ARHGAP32: variants seen among roughly 807,000 people sequenced by gnomAD.
ARHGAP32 encodes Rho GTPase activating protein 32.
Under a neutral mutation model 186.5 loss-of-function variants are expected in ARHGAP32, and 51 were observed. That is an observed-to-expected ratio of 0.27 (90% CI 0.22 to 0.35). The LOEUF is 0.35. Among genes scored for constraint, ARHGAP32 ranks in the 10% least tolerant of loss-of-function variants. The pLI is 1.00. For synonymous variants in ARHGAP32, 950 were observed against 964.3 expected (o/e 0.99, Z 0.27); for missense variants, 2,186 against 2,623.5 (o/e 0.83, Z 3.64).
chr11:129,043,064 T>C (rs948939379), intron 10 of ARHGAP32, among the ~76,000 whole-genome samples: 7 of 152,080 alleles, frequency 4.6e-5, no homozygotes, highest in Non-Finnish European at 1.0e-4. Context: ...ATTTCAAGAG[T>C]GACTCTGAAA....
At chr11:129,088,633 C>T (rs1334578512) in intron 6 of ARHGAP32, among the ~76,000 whole-genome samples, 5 of 152,110 alleles carry the variant, frequency 3.3e-5, no homozygotes, top group Admixed American at 2.6e-4. Context: ...TCCAAACAGA[C>T]TGAATAAACA....
chr11:129,261,037 TGAGCCACCACA>T (rs1458638728), intron 1 of ARHGAP32, among the ~76,000 whole-genome samples: 1 of 151,742 alleles, frequency 6.6e-6, no homozygotes, highest in African/African-American at 2.4e-5. Context: ...TAAAATATCC[TGAGCCACCACA>T]GGGTGCTAAA....
At chr11:129,108,895 G>C (rs1274547384) in intron 5 of ARHGAP32, among the ~76,000 whole-genome samples, 1 of 152,118 alleles carries the variant, frequency 6.6e-6, no homozygotes, top group Non-Finnish European at 1.5e-5. Context: ...ATCACGTTAA[G>C]TATTTACCAT....
intron 1 of ARHGAP32, among the ~76,000 whole-genome samples, chr11:129,221,820 A>AT (rs1421439220): frequency 6.6e-6 from 1 of 151,802 alleles, no homozygotes; most frequent in Non-Finnish European, 1.5e-5. Context: ...TCTAAAAAAA[A>AT]TTTTTTTAAA....
intron 1 of ARHGAP32, among the ~76,000 whole-genome samples, chr11:129,235,729 A>C (rs1439780724): frequency 6.6e-6 from 1 of 152,094 alleles, no homozygotes; most frequent in African/African-American, 2.4e-5. Context: ...GAGTCCTGAA[A>C]GTCCCTCAAA....
chr11:129,110,440 T>C (rs955443002), intron 5 of ARHGAP32, among the ~76,000 whole-genome samples: 3 of 152,200 alleles, frequency 2.0e-5, no homozygotes, highest in Non-Finnish European at 1.5e-5. Flanking sequence ...TTTGGTTCCA[T>C]ATAAATGTTA....
Position 129,233,134 on chromosome 11 carries a change from TA to T in ARHGAP32, c.-5+46011del, listed in dbSNP as rs928280021. Among the ~76,000 whole-genome samples, 123 of 151,852 alleles carry T rather than the reference TA, an allele frequency of 8.1e-4. 1 individual carries two copies. Among genetic ancestry groups the T allele is most frequent in the African/African-American group, 2.8e-3 (115 of 41,408 alleles). On this transcript the variant is annotated intron_variant, in intron 1 of 6. Coordinates refer to the ARHGAP32 transcript ENST00000525234. ...ATACTCCAATGAAAACAAGTAATGCTAAAAAAAATGTAACCATTACTTTAAA... is the reference window on the plus strand; with the variant it reads ...ATACTCCAATGAAAACAAGTAATGCTAAAAAAATGTAACCATTACTTTAAA...
intron 1 of ARHGAP32, among the ~76,000 whole-genome samples, chr11:129,248,258 C>A (rs1284619735): frequency 6.6e-6 from 1 of 151,806 alleles, no homozygotes; most frequent in Non-Finnish European, 1.5e-5. Flanking sequence ...CTGATCCAGC[C>A]TATCTGACCA....
At chr11:128,985,336 AAT>A (rs1945832746) in intron 15 of ARHGAP32, among the ~76,000 whole-genome samples, 1 of 152,024 alleles carries the variant, frequency 6.6e-6, no homozygotes, top group Non-Finnish European at 1.5e-5. Flanking sequence ...TGATTTTTGA[AAT>A]ATATACATAA....
At chr11:129,202,873 G>C (rs1944470941) in intron 1 of ARHGAP32, 1 of 152,032 alleles carries the variant, frequency 6.6e-6, no homozygotes, top group Non-Finnish European at 1.5e-5. Context: ...AGAGCTCAAA[G>C]TGCTCTTGTG....
chr11:129,209,346 G>A (rs924736541), intron 1 of ARHGAP32, among the ~76,000 whole-genome samples: 1 of 151,802 alleles, frequency 6.6e-6, no homozygotes, highest in African/African-American at 2.4e-5. Flanking sequence ...GGGCTGGATG[G>A]CACGGAGTCT....
chr11:129,193,633 A>AATATATAATATATGTTATATAATAT, upstream of ARHGAP32, among the ~76,000 whole-genome samples: 1 of 63,330 alleles, frequency 1.6e-5, no homozygotes, highest in South Asian at 3.6e-4. Context: ...TAATATATAT[A>AATATATAATATATGTTATATAATAT]ATATATGTTA....
chr11:129,041,190 G>C (rs1043542747), intron 10 of ARHGAP32, among the ~76,000 whole-genome samples, 181 bp from the exon 11 acceptor site: 3 of 152,164 alleles, frequency 2.0e-5, no homozygotes, highest in Non-Finnish European at 4.4e-5. Flanking sequence ...CTGTTGCTAT[G>C]AGTACATAAA....
At chr11:129,246,885 T>A (rs532167985) in intron 1 of ARHGAP32, among the ~76,000 whole-genome samples, 1 of 152,314 alleles carries the variant, frequency 6.6e-6, no homozygotes, top group East Asian at 1.9e-4. Context: ...GCTGTTAAAA[T>A]AGGTCTTTTA....
At chr11:129,091,976 C>A (rs1316656997) in intron 6 of ARHGAP32, among the ~76,000 whole-genome samples, 1 of 151,858 alleles carries the variant, frequency 6.6e-6, no homozygotes, top group Non-Finnish European at 1.5e-5. Context: ...TGATTACATA[C>A]AATGAGGCAA....
intron 12 of ARHGAP32, among the ~76,000 whole-genome samples, chr11:128,988,539 G>C (rs1945946236): frequency 1.3e-5 from 2 of 152,270 alleles, no homozygotes; most frequent in East Asian, 3.9e-4. Flanking sequence ...AATATATAAA[G>C]TTAAATGCTT....
At chr11:129,177,687 C>T (rs1195162231) in intron 1 of ARHGAP32, among the ~76,000 whole-genome samples, 2 of 152,074 alleles carry the variant, frequency 1.3e-5, no homozygotes, top group South Asian at 2.1e-4. Context: ...AGACAAAAAC[C>T]ACATGATTAT....
chr11:129,124,215 G>C (rs1195700437), intron 3 of ARHGAP32, among the ~76,000 whole-genome samples: 1 of 152,082 alleles, frequency 6.6e-6, no homozygotes, highest in Non-Finnish European at 1.5e-5. Context: ...TTTATACAGA[G>C]CCTGAAGGTA....
intron 1 of ARHGAP32, among the ~76,000 whole-genome samples, chr11:129,246,508 T>C (rs1041527543): frequency 2.6e-5 from 4 of 152,182 alleles, no homozygotes; most frequent in Non-Finnish European, 5.9e-5. Context: ...AATAAAATTA[T>C]GAAAGCCAAT....
Sources: gnomAD v4.1 joint callset for allele counts (sites outside exome capture counted in the v4.1 genomes callset) on GRCh38, gnomAD v4.1.1 for gene constraint, MANE v1.5 for transcripts, NCBI Gene and HGNC (gene_info 2026-07-23, HGNC 2026-07-21) for gene names.